GCSAML: variants seen among roughly 807,000 people sequenced by gnomAD.
GCSAML encodes germinal center-associated signaling and motility-like protein.
Under a neutral mutation model 13.0 loss-of-function variants are expected in GCSAML, and 9 were observed. The ratio of observed to expected loss-of-function variants is 0.69; its 90% CI spans 0.42 to 1.21. The LOEUF (loss-of-function observed/expected upper bound fraction) is 1.21, where lower values mean the gene tolerates loss of function less well. GCSAML is among the 50% of genes most tolerant of loss of function. GCSAML has a pLI of 0.00. For synonymous variants in GCSAML, 37 were observed against 52.9 expected, an observed-to-expected ratio of 0.70 and a Z score of 1.31; for missense variants, 143 against 153.4, an observed-to-expected ratio of 0.93 and a Z score of 0.36.
At chr1:247,518,138 G>A (rs1013695259) in intron 1 of GCSAML, among the ~76,000 whole-genome samples, 1 of 152,312 alleles carries the variant, frequency 6.6e-6, no homozygotes, top group East Asian at 1.9e-4. Context: ...GTGGGTGTGC[G>A]GTGCGGCCCT....
rs1206088191 is a variant in GCSAML at position 247,575,943 on chromosome 1, A to G, written c.*1561A>G. On this transcript the variant is annotated 3_prime_UTR_variant, in exon 5 of 5. Coordinates refer to ENST00000366488, the MANE Select transcript of GCSAML (RefSeq NM_145278.5). ...CCTTAATTGACAATGCATTCATTAT[A>G]TATTTTTTTGTATAGTTACAGTATA... The G allele has an allele frequency of 5.9e-5, 9 of 152,152 alleles. No homozygotes were observed. Among genetic ancestry groups the G allele is most frequent in the Admixed American group, 5.9e-4 (9 of 15,258 alleles). The allele number at this position is 152,152 out of a possible 1,614,324, so 9.4% of individuals were successfully genotyped here. A position where few individuals can be genotyped will look rare whatever the true frequency, so the allele number is the denominator to read the frequency against.
rs1289585810 is a variant in GCSAML, at chr1:247,575,556, TAATAGTTCAAA to T, written c.*1178_*1188del. The T allele has an allele frequency of 2.6e-5, 4 of 152,200 alleles. No individual in the cohort carries two copies. Among genetic ancestry groups the T allele is most frequent in the African/African-American group, 9.6e-5 (4 of 41,452 alleles). 9.4% of individuals were successfully genotyped at this position (152,200 alleles called of 1,614,324 possible). ...GATATTTTTGCATATAAACTTGCAG[TAATAGTTCAAA>T]AATTAATAGTTTTTGACATTGGCTT... On this transcript the variant is annotated 3_prime_UTR_variant, in exon 5 of 5. Transcript: ENST00000366488.
At chr1:247,521,773 C>T (rs971031513) in intron 1 of GCSAML, among the ~76,000 whole-genome samples, 3 of 152,136 alleles carry the variant, frequency 2.0e-5, no homozygotes, top group Non-Finnish European at 2.9e-5. Context: ...CCCAAAGTGC[C>T]GAGATTGCAG....
At chr1:247,558,265 A>G (rs1668017028) in intron 2 of GCSAML, among the ~76,000 whole-genome samples, 1 of 152,216 alleles carries the variant, frequency 6.6e-6, no homozygotes, top group Non-Finnish European at 1.5e-5. Flanking sequence ...GATGATGTCT[A>G]TTGAATAAAG....
chr1:247,567,614 T>C (rs1668436324), intron 4 of GCSAML, among the ~76,000 whole-genome samples: 1 of 152,340 alleles, frequency 6.6e-6, no homozygotes, highest in Middle Eastern at 3.4e-3. Context: ...TCTTTGCTAT[T>C]GTGAATAGTG....
At chr1:247,570,513 G>T (rs1351746481) in intron 4 of GCSAML, among the ~76,000 whole-genome samples, 2 of 152,038 alleles carry the variant, frequency 1.3e-5, no homozygotes, top group African/African-American at 4.8e-5. Context: ...GTAGTTTTGC[G>T]GTTTTGAGTG....
chr1:247,553,355 A>G (rs992627728), intron 1 of GCSAML, among the ~76,000 whole-genome samples: 1 of 152,054 alleles, frequency 6.6e-6, no homozygotes, highest in Non-Finnish European at 1.5e-5. Context: ...TTAATATATC[A>G]TCTATAAAGT....
At chr1:247,565,981 A>T in intron 4 of GCSAML, 22 bp downstream of exon 4, 1 of 1,527,510 alleles carries the variant, frequency 6.5e-7, no homozygotes. Flanking sequence ...ACAAAAAGCA[A>T]GACAAAAGAA....
intron 4 of GCSAML, among the ~76,000 whole-genome samples, chr1:247,573,683 T>C (rs1475661577): frequency 1.3e-5 from 2 of 152,204 alleles, no homozygotes; most frequent in Non-Finnish European, 2.9e-5. Flanking sequence ...GGCTCTTTTT[T>C]GGTTCCATAT....
intron 4 of GCSAML, among the ~76,000 whole-genome samples, chr1:247,569,456 G>A (rs1668515942): frequency 1.3e-5 from 2 of 152,130 alleles, no homozygotes; most frequent in Non-Finnish European, 1.5e-5. Context: ...TGCATCTATT[G>A]AGATATTCAT....
chr1:247,517,533 A>G (rs968062023), intron 1 of GCSAML, among the ~76,000 whole-genome samples: 19 of 152,232 alleles, frequency 1.2e-4, no homozygotes, highest in African/African-American at 4.6e-4. Context: ...GTAGATTCTG[A>G]CAAAATATTT....
intron 2 of GCSAML, among the ~76,000 whole-genome samples, chr1:247,539,388 A>G (rs10754567): frequency 0.81 from 122,532 of 152,142 alleles, 50,098 homozygotes; most frequent in African/African-American, 0.93. Flanking sequence ...CCAGTTGGGG[A>G]CCAGTGGTTT....
intron 2 of GCSAML, 61 bp from the exon 3 acceptor site, chr1:247,563,529 A>G: frequency 2.1e-6 from 2 of 967,516 alleles, no homozygotes; most frequent in Non-Finnish European, 3.2e-6. Context: ...GCTTTTTTTG[A>G]AAGGCATTTT....
At chr1:247,508,156 C>T (rs1665894369) in intron 1 of GCSAML, among the ~76,000 whole-genome samples, 1 of 152,182 alleles carries the variant, frequency 6.6e-6, no homozygotes, top group Non-Finnish European at 1.5e-5. Flanking sequence ...TCCTATTTCT[C>T]CACATCCTCT....
chr1:247,525,329 T>C (rs1014211805), intron 1 of GCSAML: 1 of 152,218 alleles, frequency 6.6e-6, no homozygotes, highest in African/African-American at 2.4e-5. Context: ...GTCTGCTGGG[T>C]GAGGGCTAAG....
chr1:247,544,261 G>A (rs1667498272), upstream of GCSAML, among the ~76,000 whole-genome samples: 1 of 152,176 alleles, frequency 6.6e-6, no homozygotes, highest in African/African-American at 2.4e-5. Context: ...TCATTCATCA[G>A]TCAGGAAAAC....
In GCSAML at chr1:247,512,015, C is replaced by T. The variant is rs539890476; in HGVS notation, c.-263+4782C>T. Reference sequence around the variant, plus strand: ...TTGCTCTTCTCGCGGAGTATCTTAACGGTGTTCTCTGTATTTCCTGAATTT... The same window carrying T: ...TTGCTCTTCTCGCGGAGTATCTTAATGGTGTTCTCTGTATTTCCTGAATTT... On this transcript the variant is annotated intron_variant, in intron 1 of 5. Transcript: ENST00000366489. Among the ~76,000 whole-genome samples, 14 of 152,158 alleles carry T rather than the reference C, an allele frequency of 9.2e-5. No homozygotes were observed. In the South Asian group the frequency reaches 1.7e-3, roughly 18 times the overall value.
intron 1 of GCSAML, among the ~76,000 whole-genome samples, chr1:247,511,617 G>A (rs2387038): frequency 0.16 from 25,074 of 152,082 alleles, 2,166 homozygotes; most frequent in Admixed American, 0.19. Flanking sequence ...TAGTGTCAAC[G>A]GACTTTACAA....
rs568416603 is a variant in GCSAML, at chr1:247,536,750, A to G, written c.-148+9696A>G. 6.6e-5 allele frequency among the ~76,000 whole-genome samples: 10 copies of G among 152,308 alleles called. No homozygotes were observed. In the East Asian group the frequency reaches 1.7e-3, roughly 26 times the overall value. ...ACTGGAATATTATTTTAGTTTTTAT[A>G]CTGCCAAACTGCTTATGGAGCGTAA... On this transcript the variant is annotated intron_variant, in intron 2 of 5. Coordinates refer to the GCSAML transcript ENST00000366489.
Sources: allele counts gnomAD v4.1 joint callset (sites outside exome capture counted in the v4.1 genomes callset), GRCh38; gene constraint gnomAD v4.1.1; transcripts MANE v1.5; gene names NCBI Gene and HGNC (gene_info 2026-07-23, HGNC 2026-07-21).